FAM107A: variants seen among roughly 807,000 people sequenced by gnomAD.
The protein encoded by FAM107A is family with sequence similarity 107 member A.
A neutral mutation model predicts 13.7 loss-of-function variants in FAM107A; 19 were observed. That is an observed-to-expected ratio of 1.38 (90% CI 0.97 to 2.03). The LOEUF is 2.03. Ranked by LOEUF, FAM107A falls within the 30% of genes most tolerant of loss-of-function variation. The pLI is 0.00. For missense variants in FAM107A, 203 were observed against 184.4 expected, an observed-to-expected ratio of 1.10 and a Z score of -0.58; for synonymous variants, 82 against 74.5, an observed-to-expected ratio of 1.10 and a Z score of -0.52.
chr3:58,568,626 CAT>C (rs1400993005), intron 2 of FAM107A, among the ~76,000 whole-genome samples: 1 of 143,740 alleles, frequency 7.0e-6, no homozygotes, highest in African/African-American at 2.5e-5. Flanking sequence ...AGAAAATGCT[CAT>C]ATTATAATAC....
At chr3:58,578,939 G>A (rs2108054525), upstream of FAM107A, among the ~76,000 whole-genome samples, 1 of 152,314 alleles carries the variant, frequency 6.6e-6, no homozygotes, top group East Asian at 1.9e-4. Flanking sequence ...AATTCCTACT[G>A]TGTTCCTGGC....
chr3:58,586,963 A>C (rs1416036067), exon 1 of FAM107A: 2 of 1,511,376 alleles, frequency 1.3e-6, no homozygotes, highest in South Asian at 2.5e-5. Context: ...CTGCAGAGCC[A>C]GCACTGCTGG....
intron 1 of FAM107A, among the ~76,000 whole-genome samples, chr3:58,594,244 C>A (rs138925627): frequency 1.3e-5 from 2 of 152,334 alleles, no homozygotes; most frequent in East Asian, 3.9e-4. Context: ...ATTTGCCCTG[C>A]ATTTCATTCC....
chr3:58,607,530 G>T (rs1264327681), intron 1 of FAM107A, among the ~76,000 whole-genome samples: 2 of 152,112 alleles, frequency 1.3e-5, no homozygotes, highest in Non-Finnish European at 2.9e-5. Context: ...AGGTGAGGGT[G>T]TGTCACTCCC....
intron 1 of FAM107A, among the ~76,000 whole-genome samples, chr3:58,620,234 A>T (rs1263630643): frequency 6.6e-6 from 1 of 152,184 alleles, no homozygotes; most frequent in Admixed American, 6.5e-5. Flanking sequence ...TGTGAGTGTG[A>T]TGGGGTTTGC....
At chr3:58,619,633 TC>T (rs1482476178) in intron 1 of FAM107A, among the ~76,000 whole-genome samples, 2 of 152,170 alleles carry the variant, frequency 1.3e-5, no homozygotes, top group Non-Finnish European at 2.9e-5. Flanking sequence ...CCTATCTGCT[TC>T]CCTCATCATA....
At chr3:58,610,881 G>A (rs908433200) in intron 1 of FAM107A, among the ~76,000 whole-genome samples, 4 of 152,176 alleles carry the variant, frequency 2.6e-5, no homozygotes, top group African/African-American at 9.7e-5. Flanking sequence ...AAGCCCTGAT[G>A]TGATTTGGCT....
chr3:58,586,330 C>G (rs1395828718), intron 1 of FAM107A, among the ~76,000 whole-genome samples: 1 of 152,024 alleles, frequency 6.6e-6, no homozygotes. Flanking sequence ...AGCGTGTTCT[C>G]ACACATAGGA....
intron 1 of FAM107A, among the ~76,000 whole-genome samples, chr3:58,600,560 C>A (rs372474315): frequency 1.4e-4 from 21 of 152,336 alleles, no homozygotes; most frequent in African/African-American, 4.6e-4. Context: ...CCCAGGTCAG[C>A]CTGGCTCCAA....
At chr3:58,578,545 G>A (rs2063748555), upstream of FAM107A, among the ~76,000 whole-genome samples, 1 of 152,074 alleles carries the variant, frequency 6.6e-6, no homozygotes, top group Non-Finnish European at 1.5e-5. Flanking sequence ...TCCAGCCTGG[G>A]TGACAGAGCA....
intron 1 of FAM107A, among the ~76,000 whole-genome samples, chr3:58,584,775 C>T (rs1212558522): frequency 6.6e-6 from 1 of 152,212 alleles, no homozygotes; most frequent in African/African-American, 2.4e-5. Context: ...TTCACTCCAT[C>T]CTCTTCATCT....
chr3:58,608,692 C>G (rs554804487), intron 1 of FAM107A, among the ~76,000 whole-genome samples: 131 of 152,286 alleles, frequency 8.6e-4, no homozygotes, highest in Non-Finnish European at 1.5e-3. Context: ...CCCAGACCCC[C>G]TTGGAGGTGG....
intron 1 of FAM107A, among the ~76,000 whole-genome samples, chr3:58,576,876 T>C (rs1364422593): frequency 1.3e-5 from 2 of 152,228 alleles, no homozygotes; most frequent in East Asian, 3.8e-4. Flanking sequence ...AGTCATCTGA[T>C]TTCCCCAAAT....
upstream of FAM107A, among the ~76,000 whole-genome samples, chr3:58,578,565 C>CA (rs1466369200): frequency 1.3e-5 from 2 of 151,516 alleles, no homozygotes; most frequent in Non-Finnish European, 1.5e-5. Context: ...AAGACTGTCT[C>CA]AAAAAAACCC....
At chr3:58,574,267 A>G (rs1484704012) in intron 1 of FAM107A, 1 of 152,236 alleles carries the variant, frequency 6.6e-6, no homozygotes, top group Admixed American at 6.6e-5. Flanking sequence ...GCATATCGGC[A>G]TCACCACAGG....
intron 2 of FAM107A, among the ~76,000 whole-genome samples, chr3:58,568,671 T>C (rs946330084): frequency 6.6e-6 from 1 of 152,134 alleles, no homozygotes; most frequent in Admixed American, 6.5e-5. Flanking sequence ...CGACTCAGTG[T>C]ACAAAATGAT....
chr3:58,576,662 C>G (rs532468082), intron 1 of FAM107A, among the ~76,000 whole-genome samples: 2 of 152,400 alleles, frequency 1.3e-5, no homozygotes, highest in South Asian at 4.1e-4. Flanking sequence ...CAATCTCAGA[C>G]TTGCCTTGTA....
chr3:58,581,731 C>T (rs896065881), upstream of FAM107A, among the ~76,000 whole-genome samples: 1 of 152,122 alleles, frequency 6.6e-6, no homozygotes, highest in Non-Finnish European at 1.5e-5. Flanking sequence ...GCCTTTACAA[C>T]AAGTTTGAAC....
upstream of FAM107A, among the ~76,000 whole-genome samples, chr3:58,578,237 A>G (rs958621570): frequency 6.6e-6 from 1 of 152,238 alleles, no homozygotes; most frequent in Admixed American, 6.5e-5. Flanking sequence ...TATGTGTTCC[A>G]TAAGTAGTGG....
Sources: gnomAD v4.1 joint callset for allele counts (sites outside exome capture counted in the v4.1 genomes callset) on GRCh38, gnomAD v4.1.1 for gene constraint, MANE v1.5 for transcripts, NCBI Gene and HGNC (gene_info 2026-07-23, HGNC 2026-07-21) for gene names.